Variants in AUTS2 observed in about 807,000 individuals in gnomAD.
The protein encoded by AUTS2 is activator of transcription and developmental regulator AUTS2, also known as autism susceptibility gene 2 protein.
In AUTS2, 17 loss-of-function variants were observed where a neutral mutation model predicts 112.4. The ratio of observed to expected loss-of-function variants is 0.15; its 90% CI spans 0.10 to 0.23. AUTS2 has a LOEUF of 0.23. Among genes scored for constraint, AUTS2 ranks in the 10% least tolerant of loss-of-function variants. The pLI is 1.00. For missense variants in AUTS2, 1,510 were observed against 1,701.6 expected (o/e 0.89, Z 1.98); for synonymous variants, 751 against 702.7 (o/e 1.07, Z -1.09).
intron 1 of AUTS2, among the ~76,000 whole-genome samples, chr7:69,842,045 A>G (rs916962883): frequency 1.3e-5 from 2 of 152,156 alleles, no homozygotes; most frequent in Non-Finnish European, 2.9e-5. Flanking sequence ...TTTTATATTT[A>G]TATTTATATT....
At chr7:70,093,548 AT>A (rs1325793531) in intron 2 of AUTS2, among the ~76,000 whole-genome samples, 1 of 152,190 alleles carries the variant, frequency 6.6e-6, no homozygotes, top group Non-Finnish European at 1.5e-5. Flanking sequence ...CAGTGGATAC[AT>A]TTCTTATCAA....
At chr7:70,349,852 G>T (rs899999383) in intron 4 of AUTS2, among the ~76,000 whole-genome samples, 1 of 152,150 alleles carries the variant, frequency 6.6e-6, no homozygotes, top group Admixed American at 6.5e-5. Context: ...TAATCAGCTG[G>T]ACGTCAATAC....
At chr7:70,098,882 A>G (rs1263592206) in intron 2 of AUTS2, among the ~76,000 whole-genome samples, 3 of 151,866 alleles carry the variant, frequency 2.0e-5, no homozygotes, top group Non-Finnish European at 4.4e-5. Context: ...TTTTATTTTT[A>G]GTAGAGATGG....
chr7:70,580,689 A>G (rs1321287485), intron 5 of AUTS2, among the ~76,000 whole-genome samples: 1 of 152,086 alleles, frequency 6.6e-6, no homozygotes, highest in African/African-American at 2.4e-5. Context: ...TTTTAATTGA[A>G]AAAGACATTT....
intron 1 of AUTS2, among the ~76,000 whole-genome samples, chr7:69,639,442 C>G (rs1390045167): frequency 1.3e-5 from 2 of 152,174 alleles, no homozygotes; most frequent in East Asian, 1.9e-4. Flanking sequence ...AACATCTACT[C>G]CAATCTTTTA....
chr7:70,043,016 C>T (rs938280194), intron 2 of AUTS2, among the ~76,000 whole-genome samples: 4 of 139,432 alleles, frequency 2.9e-5, no homozygotes, highest in African/African-American at 8.5e-5. Context: ...GGCACACTCA[C>T]TAAAAAAAAA....
intron 5 of AUTS2, among the ~76,000 whole-genome samples, chr7:70,632,213 A>G (rs1563089039): frequency 6.6e-6 from 1 of 151,992 alleles, no homozygotes; most frequent in African/African-American, 2.4e-5. Flanking sequence ...AGGCATCAAG[A>G]GCATCCATTG....
intron 1 of AUTS2, among the ~76,000 whole-genome samples, chr7:69,607,038 C>G (rs1792769819): frequency 6.6e-6 from 1 of 152,158 alleles, no homozygotes; most frequent in Admixed American, 6.5e-5. Context: ...ACTGTGAGGT[C>G]ACAAAGAATA....
intron 1 of AUTS2, among the ~76,000 whole-genome samples, chr7:69,827,837 T>G (rs1282690638): frequency 6.6e-6 from 1 of 152,226 alleles, no homozygotes; most frequent in Admixed American, 6.5e-5. Flanking sequence ...TCTGCAGCAC[T>G]GTGGCCAGTG....
intron 1 of AUTS2, among the ~76,000 whole-genome samples, chr7:69,748,929 G>C (rs1224138170): frequency 1.3e-5 from 2 of 152,180 alleles, no homozygotes; most frequent in Non-Finnish European, 2.9e-5. Flanking sequence ...CATAAATACT[G>C]TGTTCCTCAG....
chr7:69,654,552 A>T (rs1275206446), intron 1 of AUTS2, among the ~76,000 whole-genome samples: 1 of 152,220 alleles, frequency 6.6e-6, no homozygotes, highest in Non-Finnish European at 1.5e-5. Flanking sequence ...GAGGAAGTTG[A>T]TGCTCAGGGA....
intron 12 of AUTS2, chr7:70,774,658 C>G (rs548137037): frequency 1.3e-5 from 2 of 152,552 alleles, no homozygotes; most frequent in South Asian, 4.1e-4. Flanking sequence ...ATTACCACTG[C>G]CTGCTTCCAA....
At chr7:70,150,749 T>C (rs1807387659) in intron 4 of AUTS2, among the ~76,000 whole-genome samples, 1 of 152,226 alleles carries the variant, frequency 6.6e-6, no homozygotes, top group African/African-American at 2.4e-5. Flanking sequence ...ACAAAGTTTC[T>C]CTTTTCATGA....
At chr7:70,136,385 T>C (rs973461620) in intron 4 of AUTS2, among the ~76,000 whole-genome samples, 24 of 152,332 alleles carry the variant, frequency 1.6e-4, no homozygotes, top group African/African-American at 5.3e-4. Flanking sequence ...AATAATGTGA[T>C]TGTTATGTTA....
At chr7:69,757,810 G>A (rs1788002772) in intron 1 of AUTS2, among the ~76,000 whole-genome samples, 1 of 152,122 alleles carries the variant, frequency 6.6e-6, no homozygotes, top group Non-Finnish European at 1.5e-5. Flanking sequence ...CCAGGACAGT[G>A]ATATTCATTC....
At chr7:70,420,225 G>A (rs543833172) in intron 4 of AUTS2, among the ~76,000 whole-genome samples, 2 of 152,262 alleles carry the variant, frequency 1.3e-5, no homozygotes, top group African/African-American at 2.4e-5. Context: ...TTCTTTCAGG[G>A]CAGACAACGA....
intron 5 of AUTS2, among the ~76,000 whole-genome samples, chr7:70,465,196 C>T (rs552120136): frequency 6.6e-6 from 1 of 152,254 alleles, no homozygotes; most frequent in East Asian, 1.9e-4. Context: ...TTTCTTCTGC[C>T]TCCCCTTACT....
intron 5 of AUTS2, chr7:70,596,077 C>T (rs1803186260): frequency 6.6e-6 from 1 of 152,356 alleles, no homozygotes; most frequent in African/African-American, 2.4e-5. Context: ...AGTTTCCCCA[C>T]CGTGGGTGTC....
intron 10 of AUTS2, 192 bp from the exon 11 acceptor site, chr7:70,771,357 T>A: frequency 2.2e-6 from 1 of 446,844 alleles, no homozygotes; most frequent in Non-Finnish European, 4.0e-6. Flanking sequence ...GATCCTGAAC[T>A]ACTTTTAACT....
Sources: allele counts gnomAD v4.1 joint callset (sites outside exome capture counted in the v4.1 genomes callset), GRCh38; gene constraint gnomAD v4.1.1; transcripts MANE v1.5; gene names NCBI Gene and HGNC (gene_info 2026-07-23, HGNC 2026-07-21).